SMYD3: variants seen among roughly 807,000 people sequenced by gnomAD.
The protein encoded by SMYD3 is histone-lysine N-methyltransferase SMYD3.
Under a neutral mutation model 57.7 loss-of-function variants are expected in SMYD3, and 36 were observed. That is an observed-to-expected ratio of 0.62 (90% confidence interval 0.48 to 0.82). The LOEUF is 0.82. Among genes scored for constraint, SMYD3 ranks in the 40% least tolerant of loss-of-function variants. The pLI is 0.00. For synonymous variants in SMYD3, 211 were observed against 195.0 expected (o/e 1.08, Z -0.68); for missense variants, 515 against 538.8 (o/e 0.96, Z 0.44).
At chr1:246,497,934 C>T (rs11800820) in intron 1 of SMYD3, among the ~76,000 whole-genome samples, 46,530 of 151,518 alleles carry the variant, frequency 0.31, 7,361 homozygotes, top group Middle Eastern at 0.49. Context: ...AGACAAATCA[C>T]AAAAAGATAT....
At chr1:246,273,754 T>G (rs1235726713) in intron 5 of SMYD3, among the ~76,000 whole-genome samples, 2 of 151,622 alleles carry the variant, frequency 1.3e-5, no homozygotes, top group Non-Finnish European at 2.9e-5. Flanking sequence ...CCTGCTAATT[T>G]TTGTATTTTT....
At chr1:246,338,650 C>T (rs975000425) in intron 2 of SMYD3, among the ~76,000 whole-genome samples, 4 of 152,062 alleles carry the variant, frequency 2.6e-5, no homozygotes, top group African/African-American at 4.8e-5. Context: ...ACAAGAGTTT[C>T]ATGCTGGAAA....
chr1:246,194,371 C>T (rs1232866167), intron 5 of SMYD3, among the ~76,000 whole-genome samples: 5 of 151,842 alleles, frequency 3.3e-5, no homozygotes, highest in Non-Finnish European at 5.9e-5. Flanking sequence ...TGGGTTCAAG[C>T]GGTTCTCCTG....
intron 5 of SMYD3, among the ~76,000 whole-genome samples, chr1:246,043,081 CATAA>C (rs760863780): frequency 2.0e-5 from 3 of 152,160 alleles, no homozygotes; most frequent in Admixed American, 6.5e-5. Flanking sequence ...TCTATCTACA[CATAA>C]ATAAACACAT....
At chr1:245,889,886 C>G (rs2053286813) in intron 8 of SMYD3, among the ~76,000 whole-genome samples, 1 of 152,160 alleles carries the variant, frequency 6.6e-6, no homozygotes, top group African/African-American at 2.4e-5. Context: ...GGCATAAAAA[C>G]AGACACACAG....
chr1:246,054,749 C>A (rs1041582691), intron 5 of SMYD3, among the ~76,000 whole-genome samples: 1 of 150,274 alleles, frequency 6.7e-6, no homozygotes, highest in Non-Finnish European at 1.5e-5. Context: ...GGTACAGGTA[C>A]AAAGAAGATA....
Position 245,858,622 on chromosome 1 carries a change from G to A in SMYD3, c.950C>T (p.Ser317Phe). Residue 317 changes from serine to phenylalanine, a missense_variant, in exon 10 of 12, where the codon TCT (serine) becomes TTT (phenylalanine). Ser to Phe is a radical substitution (Grantham distance 155). Transcript: ENST00000490107. The stretch of plus-strand genomic sequence containing the variant: ...GATGTTGATATCGGGAAGCCGTTCA[G>A]AATTGCTGCTTATGATTGCCTGGCA... The part of the protein sequence containing the change: ...AMCQAIISSN[S>F]ERLPDINIYQ... 6.2e-7 allele frequency: 1 copy of A among 1,614,228 alleles called. No homozygotes were observed. The highest frequency in any genetic ancestry group is 8.5e-7 in the Non-Finnish European group (1 of 1,180,038).
intron 8 of SMYD3, among the ~76,000 whole-genome samples, chr1:245,873,624 C>T (rs960545061): frequency 1.2e-4 from 19 of 152,204 alleles, no homozygotes; most frequent in Non-Finnish European, 8.8e-5. Context: ...AGGACAGATG[C>T]TCTCATTCTC....
At chr1:245,860,463 A>C (rs1572532542) in intron 9 of SMYD3, among the ~76,000 whole-genome samples, 1 of 152,094 alleles carries the variant, frequency 6.6e-6, no homozygotes, top group Non-Finnish European at 1.5e-5. Context: ...TTTCACAGCA[A>C]ATGTATTTTC....
intron 5 of SMYD3, among the ~76,000 whole-genome samples, chr1:246,151,862 G>C (rs1328359608): frequency 6.6e-6 from 1 of 152,206 alleles, no homozygotes; most frequent in African/African-American, 2.4e-5. Context: ...CAGGAGCCGA[G>C]ATCTTCTGGA....
At chr1:246,329,975 T>A (rs1431967313) in intron 4 of SMYD3, among the ~76,000 whole-genome samples, 1 of 152,230 alleles carries the variant, frequency 6.6e-6, no homozygotes, top group East Asian at 1.9e-4. Context: ...GGAAGCTTTT[T>A]AAGTCATCAC....
chr1:245,909,880 A>G (rs1186357949), intron 8 of SMYD3, among the ~76,000 whole-genome samples: 1 of 152,158 alleles, frequency 6.6e-6, no homozygotes, highest in Non-Finnish European at 1.5e-5. Context: ...AAAAACTGAA[A>G]GCCCCTCCTT....
At chr1:246,329,098 C>T (rs1301243684) in intron 4 of SMYD3, among the ~76,000 whole-genome samples, 2 of 152,162 alleles carry the variant, frequency 1.3e-5, no homozygotes, top group Admixed American at 6.5e-5. Flanking sequence ...CATTGTTGGA[C>T]ATTTGGCTTG....
intron 5 of SMYD3, among the ~76,000 whole-genome samples, chr1:246,177,544 C>G (rs113316309): frequency 1.2e-3 from 180 of 152,182 alleles, no homozygotes; most frequent in Non-Finnish European, 1.9e-3. Context: ...TAAACATTTT[C>G]AGGACAGAAA....
chr1:246,367,297 GAGA>G (rs1317272257), intron 1 of SMYD3, among the ~76,000 whole-genome samples: 3 of 152,196 alleles, frequency 2.0e-5, no homozygotes, highest in Non-Finnish European at 4.4e-5. Context: ...TATTGCAAAA[GAGA>G]AGGAGTTAGA....
intron 5 of SMYD3, among the ~76,000 whole-genome samples, chr1:246,250,054 T>A (rs1248157075): frequency 6.6e-6 from 1 of 152,154 alleles, no homozygotes; most frequent in African/African-American, 2.4e-5. Context: ...TCCCTCCCCC[T>A]CTCTTGATAT....
chr1:245,845,601 G>GA (rs1316511013), intron 10 of SMYD3, among the ~76,000 whole-genome samples: 1 of 152,272 alleles, frequency 6.6e-6, no homozygotes. Context: ...CCAGCTCTCA[G>GA]ACTTCCTCCT....
chr1:246,270,710 G>A (rs1572315141), intron 5 of SMYD3, among the ~76,000 whole-genome samples: 1 of 152,090 alleles, frequency 6.6e-6, no homozygotes, highest in African/African-American at 2.4e-5. Flanking sequence ...ACCACATTTT[G>A]TTTTCAGATA....
At chr1:246,329,467 T>C (rs10924693) in intron 4 of SMYD3, among the ~76,000 whole-genome samples, 4 of 152,268 alleles carry the variant, frequency 2.6e-5, no homozygotes, top group South Asian at 4.1e-4. Flanking sequence ...TTTCATGTGT[T>C]TTTTGGCTGC....
Sources: allele counts gnomAD v4.1 joint callset (sites outside exome capture counted in the v4.1 genomes callset), GRCh38; gene constraint gnomAD v4.1.1; transcripts MANE v1.5; gene names NCBI Gene and HGNC (gene_info 2026-07-23, HGNC 2026-07-21).